Variants in UGT2A1 observed in about 807,000 individuals in gnomAD.
UGT2A1 encodes UDP-glucuronosyltransferase 2A1.
Under a neutral mutation model 45.4 loss-of-function variants are expected in UGT2A1, and 61 were observed. The ratio of observed to expected loss-of-function variants is 1.34; its 90% CI spans 1.09 to 1.66. The LOEUF is 1.66. Ranked by LOEUF, UGT2A1 falls within the 40% of genes most tolerant of loss-of-function variation. The pLI, the probability that UGT2A1 is intolerant of heterozygous loss-of-function variation, is 0.00. For synonymous variants in UGT2A1, 229 were observed against 196.2 expected, an observed-to-expected ratio of 1.17 and a Z score of -1.40; for missense variants, 649 against 574.3, an observed-to-expected ratio of 1.13 and a Z score of -1.33.
At chr4:69,591,802 C>A (rs1419395277) in intron 6 of UGT2A1, among the ~76,000 whole-genome samples, 2 of 152,098 alleles carry the variant, frequency 1.3e-5, no homozygotes, top group African/African-American at 4.8e-5. Context: ...TGTACCTACA[C>A]TGATAATTAA....
intron 2 of UGT2A1, chr4:69,639,121 T>C (rs750664666): frequency 1.2e-6 from 2 of 1,613,500 alleles, no homozygotes; most frequent in African/African-American, 2.7e-5. Flanking sequence ...ATAAATGGAA[T>C]TCCTAATTTC....
intron 3 of UGT2A1, among the ~76,000 whole-genome samples, chr4:69,600,168 A>G (rs902995206): frequency 1.3e-5 from 2 of 152,156 alleles, no homozygotes; most frequent in African/African-American, 4.8e-5. Context: ...CCTCTGGGAT[A>G]TATACACCCA....
intron 3 of UGT2A1, among the ~76,000 whole-genome samples, chr4:69,629,699 G>T (rs1432428333): frequency 6.6e-6 from 1 of 152,050 alleles, no homozygotes; most frequent in African/African-American, 2.4e-5. Flanking sequence ...TCTACTGGAA[G>T]AGGACCCCTG....
chr4:69,589,592 A>AG lies in UGT2A1; in HGVS notation c.1363dup (p.Leu455ProfsTer26), dbSNP rs781529026. On this transcript the variant is annotated frameshift_variant, in exon 7 of 7. Transcript: ENST00000286604. LOFTEE classifies it high-confidence loss of function. The stretch of plus-strand genomic sequence containing the variant: ...CTCGATCCAGAAGACTGCTCGATCC[A>AG]GGGGCTTTACAGGTTGATCATGGTG... 6.2e-6 allele frequency: 10 copies of AG among 1,613,904 alleles called. No homozygotes were observed. The African/African-American group carries it at 1.2e-4, about 19-fold the overall frequency.
At chr4:69,593,902 A>G (rs1718733105) in intron 6 of UGT2A1, among the ~76,000 whole-genome samples, 2 of 151,872 alleles carry the variant, frequency 1.3e-5, no homozygotes, top group South Asian at 4.1e-4. Flanking sequence ...TTATCCAGAA[A>G]AAATGAGAAT....
chr4:69,607,382 C>T (rs1052292504), intron 3 of UGT2A1, among the ~76,000 whole-genome samples: 14 of 151,694 alleles, frequency 9.2e-5, no homozygotes, highest in Non-Finnish European at 1.8e-4. Flanking sequence ...AAAGCTGAAC[C>T]TGGATCCCTT....
intron 3 of UGT2A1, among the ~76,000 whole-genome samples, chr4:69,622,625 C>T (rs1305438415): frequency 1.3e-5 from 2 of 151,574 alleles, no homozygotes; most frequent in Admixed American, 6.6e-5. Flanking sequence ...GGATATTGTA[C>T]TGCCAGTTCT....
At chr4:69,622,712 G>A (rs1006368726) in intron 3 of UGT2A1, among the ~76,000 whole-genome samples, 7 of 151,750 alleles carry the variant, frequency 4.6e-5, no homozygotes, top group Admixed American at 2.6e-4. Context: ...TATACTTGAT[G>A]TCTAGGCAAT....
chr4:69,625,229 T>C (rs893500097), intron 3 of UGT2A1, among the ~76,000 whole-genome samples: 1 of 151,086 alleles, frequency 6.6e-6, no homozygotes, highest in African/African-American at 2.4e-5. Flanking sequence ...ATTTTCTTTT[T>C]ATTACTCTTC....
chr4:69,590,005 A>G (rs1718496855), intron 6 of UGT2A1, among the ~76,000 whole-genome samples: 1 of 152,240 alleles, frequency 6.6e-6, no homozygotes, highest in African/African-American at 2.4e-5. Context: ...ATACTGTGGG[A>G]TAAAAATCAT....
intron 3 of UGT2A1, among the ~76,000 whole-genome samples, chr4:69,600,613 C>T (rs1190815794): frequency 6.6e-6 from 1 of 152,066 alleles, no homozygotes; most frequent in Non-Finnish European, 1.5e-5. Flanking sequence ...ATACTTGAAA[C>T]TGAGTAATTT....
chr4:69,599,664 GAAAA>G, intron 3 of UGT2A1: 1 of 323,122 alleles, frequency 3.1e-6, no homozygotes, highest in Non-Finnish European at 5.5e-6. Context: ...GGAAAAGTGA[GAAAA>G]AGGGAAGAAA....
chr4:69,614,688 T>G (rs118038601), intron 3 of UGT2A1, among the ~76,000 whole-genome samples: 2 of 152,136 alleles, frequency 1.3e-5, no homozygotes, highest in East Asian at 3.9e-4. Context: ...AAACTACCTT[T>G]CAACAAAGCT....
chr4:69,651,114 A>T (rs1722504562), intron 1 of UGT2A1, among the ~76,000 whole-genome samples: 1 of 152,232 alleles, frequency 6.6e-6, no homozygotes. Flanking sequence ...AGTATTAAAA[A>T]ATTTCTCACA....
chr4:69,625,704 G>A (rs1333184224), intron 3 of UGT2A1, among the ~76,000 whole-genome samples: 7 of 151,082 alleles, frequency 4.6e-5, no homozygotes. Flanking sequence ...TAGCACTTAT[G>A]TAAATTTAAA....
At chr4:69,616,944 C>T (rs1481693269) in intron 3 of UGT2A1, among the ~76,000 whole-genome samples, 2 of 149,546 alleles carry the variant, frequency 1.3e-5, no homozygotes, top group African/African-American at 2.5e-5. Context: ...GAAATATCTG[C>T]ATAAGTTTCT....
At chr4:69,628,829 C>T (rs1465446531) in intron 3 of UGT2A1, among the ~76,000 whole-genome samples, 1 of 150,840 alleles carries the variant, frequency 6.6e-6, no homozygotes, top group Non-Finnish European at 1.5e-5. Flanking sequence ...AAGACCGCCA[C>T]AACTTTTACA....
At chr4:69,621,007 T>C (rs558252230) in intron 3 of UGT2A1, among the ~76,000 whole-genome samples, 2 of 152,164 alleles carry the variant, frequency 1.3e-5, no homozygotes, top group Non-Finnish European at 2.9e-5. Context: ...CAACTCAAGA[T>C]GGATTAAAAA....
At chr4:69,605,248 G>A (rs563135999) in intron 3 of UGT2A1, among the ~76,000 whole-genome samples, 2 of 136,992 alleles carry the variant, frequency 1.5e-5, no homozygotes, top group East Asian at 2.0e-4. Context: ...AATCAAATTA[G>A]AACTCAGGAT....
Sources: gnomAD v4.1 joint callset for allele counts (sites outside exome capture counted in the v4.1 genomes callset) on GRCh38, gnomAD v4.1.1 for gene constraint, MANE v1.5 for transcripts, NCBI Gene and HGNC (gene_info 2026-07-23, HGNC 2026-07-21) for gene names.